Variants in NUP98 observed in about 807,000 individuals in gnomAD.
NUP98 encodes nucleoporin 98 and 96 precursor.
In NUP98, 26 loss-of-function variants were observed where a neutral mutation model predicts 191.9. That is an observed-to-expected ratio of 0.14 (90% confidence interval 0.10 to 0.19). The LOEUF (loss-of-function observed/expected upper bound fraction) is 0.19, where lower values mean the gene tolerates loss of function less well. NUP98 is among the 10% of genes least tolerant of loss of function. NUP98 has a pLI of 1.00. For missense variants in NUP98, 1,941 were observed against 2,178.8 expected (o/e 0.89, Z 2.17); for synonymous variants, 808 against 778.4 (o/e 1.04, Z -0.63).
intron 12 of NUP98, among the ~76,000 whole-genome samples, chr11:3,742,222 A>AT (rs912755958): frequency 6.6e-6 from 1 of 152,144 alleles, no homozygotes; most frequent in Non-Finnish European, 1.5e-5. Flanking sequence ...AGCGGTGGTA[A>AT]TACCAGGGAA....
chr11:3,695,400 AATT>A (rs781629971), intron 26 of NUP98, 46 bp downstream of exon 26: 40 of 1,426,532 alleles, frequency 2.8e-5, no homozygotes, highest in Non-Finnish European at 3.4e-5. Flanking sequence ...AACCAGCTTC[AATT>A]TATGAAAAAA....
chr11:3,786,918 C>G (rs936657863), intron 1 of NUP98, among the ~76,000 whole-genome samples: 1 of 152,162 alleles, frequency 6.6e-6, no homozygotes, highest in Non-Finnish European at 1.5e-5. Context: ...TTTTTCCTTT[C>G]CACTTCATTA....
At chr11:3,766,908 T>C (rs957501106) in intron 8 of NUP98, among the ~76,000 whole-genome samples, 1 of 152,200 alleles carries the variant, frequency 6.6e-6, no homozygotes, top group Non-Finnish European at 1.5e-5. Context: ...AATGATCATA[T>C]GTTGAACCAA....
Position 3,725,656 on chromosome 11 carries a change from A to G in NUP98, c.1731-437T>C, listed in dbSNP as rs377093653. Among the ~76,000 whole-genome samples the G allele has an allele frequency of 6.6e-5, 10 of 152,344 alleles. No individual in the cohort carries two copies. The East Asian group carries it at 1.3e-3, about 21-fold the overall frequency. On this transcript the variant is annotated intron_variant, in intron 14 of 32. Transcript: ENST00000324932. ...GCTGTCTTGAATGAAAAAGGTAAAC[A>G]GACATTTGCTGACTAAAAAGTTTTT... is the stretch of plus-strand genomic sequence containing the variant.
At position 3,675,830 on chromosome 11, in the gene NUP98, T is replaced by C; in HGVS notation, c.*329A>G. On this transcript the variant is annotated 3_prime_UTR_variant, in exon 33 of 33. Transcript: ENST00000324932. ...CTGGTTGGCATGGAGGGTCACAAGATCCAGAATGGCTAGGGATGGAAAAAG... is the reference window on the plus strand; with the variant it reads ...CTGGTTGGCATGGAGGGTCACAAGACCCAGAATGGCTAGGGATGGAAAAAG... 1 of 412,278 alleles carries C rather than the reference T, an allele frequency of 2.4e-6. No individual in the cohort carries two copies. The highest frequency in any genetic ancestry group is 2.7e-5 in the South Asian group (1 of 36,696). The allele number at this position is 412,278 out of a possible 1,614,324, so 25.5% of individuals were successfully genotyped here.
At chr11:3,723,072 G>A (rs2079463579) in intron 16 of NUP98, 85 bp downstream of exon 16, 1 of 1,274,900 alleles carries the variant, frequency 7.8e-7, no homozygotes, top group Non-Finnish European at 1.1e-6. Flanking sequence ...CCAAACAGCT[G>A]ACTTCCATAT....
chr11:3,685,443 C>T (rs746731731), intron 29 of NUP98, among the ~76,000 whole-genome samples: 3 of 152,212 alleles, frequency 2.0e-5, no homozygotes, highest in Admixed American at 2.0e-4. Context: ...CGTGGAGTCA[C>T]TGAGGCAGCT....
chr11:3,768,792 T>A (rs1168602164), intron 7 of NUP98, 48 bp from the exon 8 acceptor site: 6 of 1,401,102 alleles, frequency 4.3e-6, no homozygotes, highest in East Asian at 2.4e-5. Flanking sequence ...ATAAAAAAAA[T>A]GTAAACACCC....
rs191395439 is a variant in NUP98, at chr11:3,749,573, T to C, written c.1267+3743A>G. Among the ~76,000 whole-genome samples, 161 of 152,230 alleles carry C rather than the reference T, an allele frequency of 1.1e-3. 2 individuals carry two copies. The highest frequency in any genetic ancestry group is 3.8e-3 in the African/African-American group (157 of 41,552). The stretch of plus-strand genomic sequence containing the variant: ...CCAGGAGGCGGAGGTTGCCATGAGC[T>C]GAGATCACACCATTGTACTCCAGCC... On this transcript the variant is annotated intron_variant, in intron 11 of 32. Transcript: ENST00000324932.
At chr11:3,727,524 A>C (rs1002183541) in intron 14 of NUP98, among the ~76,000 whole-genome samples, 1 of 152,094 alleles carries the variant, frequency 6.6e-6, no homozygotes, top group Admixed American at 6.6e-5. Context: ...GAAAACAATA[A>C]CTGCATTGGA....
At position 3,775,945 on chromosome 11, in the gene NUP98, A is replaced by C; in HGVS notation, c.432T>G (p.Ser144=). 1 of 1,613,626 alleles carries C rather than the reference A, an allele frequency of 6.2e-7. No individual in the cohort carries two copies. The highest frequency in any genetic ancestry group is 8.5e-7 in the Non-Finnish European group (1 of 1,179,526). The change falls in exon 5 of 33, where the codon TCT becomes TCG. Residue 144 remains serine (S), a synonymous_variant. Coordinates refer to ENST00000324932, the MANE Select transcript of NUP98 (RefSeq NM_016320.5). ...NTTSNPFGST[S]GSLFGPSSFT... is the part of the protein sequence containing the mutation. ...AACTACTTGGCCCAAAGAGGGAGCC[A>C]GATGTGCTGCCAAAAGGATTAGAGG...
chr11:3,778,833 C>A, intron 4 of NUP98, 40 bp downstream of exon 4: 2 of 1,581,542 alleles, frequency 1.3e-6, no homozygotes, highest in South Asian at 2.3e-5. Context: ...ATAAGCAAAC[C>A]AAATTATTAG....
At position 3,692,070 on chromosome 11, in the gene NUP98, T is replaced by C. The variant is rs574178744; in HGVS notation, c.4312-581A>G. ...AGTTTGTAGTTCATGAGCATGATGA[T>C]TGGGTGTTCATGCATGCGTGTGAGA... On this transcript the variant is annotated intron_variant, in intron 27 of 32. Transcript: ENST00000324932. 9.2e-5 allele frequency among the ~76,000 whole-genome samples: 14 copies of C among 152,246 alleles called. No individual in the cohort carries two copies. In the South Asian group the frequency reaches 1.7e-3, roughly 18 times the overall value.
intron 8 of NUP98, among the ~76,000 whole-genome samples, chr11:3,766,093 A>C (rs908703769): frequency 1.3e-5 from 2 of 152,094 alleles, no homozygotes. Context: ...TGAGAAGTAA[A>C]GCCAGGTACA....
intron 18 of NUP98, among the ~76,000 whole-genome samples, chr11:3,716,880 G>A (rs545913702): frequency 6.6e-5 from 10 of 151,756 alleles, no homozygotes; most frequent in African/African-American, 2.4e-4. Flanking sequence ...AGAGTGTTTG[G>A]CTATTTGGAG....
At chr11:3,793,735 C>T (rs1328152717) in intron 1 of NUP98, among the ~76,000 whole-genome samples, 1 of 151,966 alleles carries the variant, frequency 6.6e-6, no homozygotes, top group African/African-American at 2.4e-5. Flanking sequence ...CTTTGGGAGG[C>T]CAAAGCGGGT....
chr11:3,747,616 C>T lies in NUP98; in HGVS notation c.1268-2967G>A, dbSNP rs980776099. Among the ~76,000 whole-genome samples, 20 of 152,080 alleles carry T rather than the reference C, an allele frequency of 1.3e-4. 1 individual carries two copies. The highest frequency in any genetic ancestry group is 4.8e-4 in the African/African-American group (20 of 41,388). The stretch of plus-strand genomic sequence containing the variant: ...TTATACTAAGATTGGTTTCTTACAT[C>T]GAAGCATACAAAAATATCTTATGTA... On this transcript the variant is annotated intron_variant, in intron 11 of 32. Transcript: ENST00000324932.
chr11:3,716,512 C>T (rs938575763), intron 18 of NUP98, among the ~76,000 whole-genome samples: 1 of 151,786 alleles, frequency 6.6e-6, no homozygotes, highest in Non-Finnish European at 1.5e-5. Context: ...TTGAGACCGG[C>T]TGGGCAGGCA....
At chr11:3,738,496 C>A (rs1347112219) in intron 12 of NUP98, among the ~76,000 whole-genome samples, 1 of 152,112 alleles carries the variant, frequency 6.6e-6, no homozygotes, top group African/African-American at 2.4e-5. Flanking sequence ...AAATATACTA[C>A]AGCAAGGCAT....
Sources: gnomAD v4.1 joint callset for allele counts (sites outside exome capture counted in the v4.1 genomes callset) on GRCh38, gnomAD v4.1.1 for gene constraint, MANE v1.5 for transcripts, NCBI Gene and HGNC (gene_info 2026-07-23, HGNC 2026-07-21) for gene names.